DMD: variants seen among roughly 807,000 people sequenced by gnomAD.
DMD encodes dystrophin.
A neutral mutation model predicts 330.1 loss-of-function variants in DMD; 63 were observed. That is an observed-to-expected ratio of 0.19 (90% CI 0.16 to 0.24). DMD has a LOEUF of 0.24. Among genes scored for constraint, DMD ranks in the 10% least tolerant of loss-of-function variants. DMD has a pLI of 1.00. For synonymous variants in DMD, 1,223 were observed against 959.8 expected (o/e 1.27, Z -5.07); for missense variants, 3,344 against 2,684.1 (o/e 1.25, Z -5.43).
At chrX:31,248,662 C>A (rs1178397720) in intron 63 of DMD, among the ~76,000 whole-genome samples, 1 of 112,195 alleles carries the variant, frequency 8.9e-6, no homozygotes, top group Non-Finnish European at 1.9e-5. Flanking sequence ...TTTCTCTGCT[C>A]TGCTGTTTAT....
chrX:32,938,130 T>C (rs896266617), intron 2 of DMD, among the ~76,000 whole-genome samples: 1 of 111,458 alleles, frequency 9.0e-6, no homozygotes, highest in Non-Finnish European at 1.9e-5. Flanking sequence ...ACTACTGATC[T>C]TTCCACTCTC....
intron 1 of DMD, among the ~76,000 whole-genome samples, chrX:33,156,385 T>C (rs1310630050): frequency 8.9e-6 from 1 of 112,288 alleles, no homozygotes; most frequent in East Asian, 2.8e-4. Flanking sequence ...GGCTAAAATG[T>C]CCTAACAACT....
intron 41 of DMD, among the ~76,000 whole-genome samples, chrX:32,327,341 AT>A (rs1351057856): frequency 9.0e-6 from 1 of 111,478 alleles, no homozygotes; most frequent in Non-Finnish European, 1.9e-5. Context: ...TAAAAAATCA[AT>A]TTTGGGAATC....
intron 21 of DMD, among the ~76,000 whole-genome samples, chrX:32,474,574 A>G (rs1603634366): frequency 8.9e-6 from 1 of 112,070 alleles, no homozygotes; most frequent in African/African-American, 3.2e-5. Context: ...GTAAGGTGGT[A>G]TCACATGGTG....
intron 34 of DMD, among the ~76,000 whole-genome samples, chrX:32,366,359 T>A (rs771274908): frequency 8.9e-6 from 1 of 111,750 alleles, no homozygotes; most frequent in Non-Finnish European, 1.9e-5. Context: ...ACCCTTTTTC[T>A]CCTTTCTCAA....
At chrX:33,286,021 T>G (rs901771732) in intron 1 of DMD, among the ~76,000 whole-genome samples, 6 of 112,032 alleles carry the variant, frequency 5.4e-5, no homozygotes, top group Non-Finnish European at 1.1e-4. Flanking sequence ...ATGAGACTAC[T>G]TGAGATACCA....
At chrX:32,743,515 C>G (rs778631602) in intron 7 of DMD, among the ~76,000 whole-genome samples, 15 of 110,834 alleles carry the variant, frequency 1.4e-4, no homozygotes, top group African/African-American at 4.6e-4. Flanking sequence ...AAAGAAAGGA[C>G]CCTTATTTGT....
In DMD at chrX:33,009,980, ACATG is replaced by A. The variant is rs1461902518; in HGVS notation, c.93+10155_93+10158del. On this transcript the variant is annotated intron_variant, in intron 2 of 78. Transcript: ENST00000357033. ...TGTATATACACATATGTGTGTATAC[ACATG>A]TGTGTATATACACGTATGTATGTGT... is the stretch of plus-strand genomic sequence containing the variant. Among the ~76,000 whole-genome samples, 33 of 53,590 alleles carry A rather than the reference ACATG, an allele frequency of 6.2e-4. 1 individual carries two copies. Among genetic ancestry groups the A allele is most frequent in the African/African-American group, 2.9e-3 (30 of 10,375 alleles). 46.5% of individuals were successfully genotyped at this position (53,590 alleles called of 115,157 possible). A position where few individuals can be genotyped will look rare whatever the true frequency, so the allele number is the denominator to read the frequency against.
intron 37 of DMD, among the ~76,000 whole-genome samples, chrX:32,354,000 A>G (rs2097790321): frequency 8.9e-6 from 1 of 111,842 alleles, no homozygotes; most frequent in Non-Finnish European, 1.9e-5. Flanking sequence ...AGCAAGATCA[A>G]TTACAAACTG....
chrX:32,314,959 C>T (rs1370277991), intron 41 of DMD, among the ~76,000 whole-genome samples: 3 of 111,662 alleles, frequency 2.7e-5, no homozygotes, highest in Non-Finnish European at 5.7e-5. Flanking sequence ...ATTAGTTCCA[C>T]CATTGTGGAA....
chrX:31,597,041 G>A (rs1295968618), intron 55 of DMD, among the ~76,000 whole-genome samples: 1 of 112,669 alleles, frequency 8.9e-6, no homozygotes, highest in Non-Finnish European at 1.9e-5. Context: ...GGATAAAATA[G>A]ATGTAAAACA....
chrX:32,442,857 A>G (rs2098287524), intron 27 of DMD, among the ~76,000 whole-genome samples: 1 of 111,149 alleles, frequency 9.0e-6, no homozygotes, highest in South Asian at 3.7e-4. Context: ...TCAGACACAA[A>G]TATGTTGGGT....
intron 62 of DMD, among the ~76,000 whole-genome samples, chrX:31,315,890 A>G (rs2055965211): frequency 1.8e-5 from 2 of 112,354 alleles, no homozygotes; most frequent in African/African-American, 6.5e-5. Context: ...AGTGAAAAAC[A>G]GTAGTTGATC....
At position 33,093,701 on chromosome X, in the gene DMD, T is replaced by C. The variant is rs1325861; in HGVS notation, c.32-73501A>G. Among the ~76,000 whole-genome samples the C allele has an allele frequency of 9.4e-3, 1,048 of 111,644 alleles. 24 individuals are homozygous for C. Among genetic ancestry groups the C allele is most frequent in the Admixed American group, 0.061 (639 of 10,430 alleles). On this transcript the variant is annotated intron_variant, in intron 1 of 78. Coordinates refer to ENST00000357033, the MANE Select transcript of DMD (RefSeq NM_004006.3). ...GATTGTTTTACTCAATTGTAACATG[T>C]TTTGATTGAAACGGTGTAAAACAGG...
intron 44 of DMD, among the ~76,000 whole-genome samples, chrX:32,154,958 C>A (rs1035966653): frequency 1.8e-5 from 2 of 110,812 alleles, no homozygotes; most frequent in Non-Finnish European, 3.8e-5. Flanking sequence ...TGAATTGCCC[C>A]CTCCAGAGGA....
chrX:31,335,309 A>C (rs1601941829), intron 61 of DMD, among the ~76,000 whole-genome samples: 1 of 112,490 alleles, frequency 8.9e-6, no homozygotes, highest in Non-Finnish European at 1.9e-5. Flanking sequence ...GCACCAGGCT[A>C]AGTTCTTTCA....
intron 74 of DMD, among the ~76,000 whole-genome samples, chrX:31,153,046 A>G (rs1285599233): frequency 1.8e-5 from 2 of 111,492 alleles, no homozygotes; most frequent in African/African-American, 6.5e-5. Flanking sequence ...AGGTGGTTTT[A>G]TGGCTTCTCC....
chrX:31,291,204 A>C lies in DMD; in HGVS notation c.9225-30188T>G, dbSNP rs572934251. 8.5e-4 allele frequency among the ~76,000 whole-genome samples: 95 copies of C among 111,511 alleles called. 3 individuals carry two copies. The South Asian group carries it at 0.035, about 41-fold the overall frequency. On this transcript the variant is annotated intron_variant, in intron 62 of 78. Transcript: ENST00000357033. Reference sequence around the variant, plus strand: ...TTGCAAACTAGCAGACTTTGGGCTAAATTTGGCATGCACAAATGTTTTGAT... The same window carrying C: ...TTGCAAACTAGCAGACTTTGGGCTACATTTGGCATGCACAAATGTTTTGAT...
intron 55 of DMD, among the ~76,000 whole-genome samples, chrX:31,548,257 C>T (rs1443283270): frequency 8.9e-6 from 1 of 111,736 alleles, no homozygotes; most frequent in East Asian, 2.8e-4. Flanking sequence ...AATGCAGAAT[C>T]GCAGGCCTTG....
Sources: allele counts gnomAD v4.1 joint callset (sites outside exome capture counted in the v4.1 genomes callset), GRCh38; gene constraint gnomAD v4.1.1; transcripts MANE v1.5; gene names NCBI Gene and HGNC (gene_info 2026-07-23, HGNC 2026-07-21).